AEBP2: variants seen among roughly 807,000 people sequenced by gnomAD.
The protein encoded by AEBP2 is AE binding protein 2.
AEBP2 carries 10 observed loss-of-function variants against 50.8 expected under a neutral mutation model. That is an observed-to-expected ratio of 0.20 (90% CI 0.12 to 0.33). AEBP2 has a LOEUF of 0.33. Among genes scored for constraint, AEBP2 ranks in the 10% least tolerant of loss-of-function variants. The pLI, the probability that AEBP2 is intolerant of heterozygous loss-of-function variation, is 1.00. For synonymous variants in AEBP2, 296 were observed against 261.3 expected, an observed-to-expected ratio of 1.13 and a Z score of -1.28; for missense variants, 570 against 688.0, an observed-to-expected ratio of 0.83 and a Z score of 1.92.
At chr12:19,459,983 A>C (rs1014212526) in intron 1 of AEBP2, among the ~76,000 whole-genome samples, 18 of 152,184 alleles carry the variant, frequency 1.2e-4, no homozygotes, top group Non-Finnish European at 1.5e-5. Flanking sequence ...GTACTTTGGG[A>C]GGCCAAGGCA....
chr12:19,421,613 C>G (rs2095745844), intron 1 of AEBP2, among the ~76,000 whole-genome samples: 1 of 152,034 alleles, frequency 6.6e-6, no homozygotes, highest in African/African-American at 2.4e-5. Context: ...CAGAGTGAGA[C>G]TCTGTCTCAA....
At chr12:19,458,857 C>G (rs1229836416) in intron 1 of AEBP2, among the ~76,000 whole-genome samples, 1 of 152,202 alleles carries the variant, frequency 6.6e-6, no homozygotes, top group African/African-American at 2.4e-5. Flanking sequence ...TCCCACTCTT[C>G]CCTTCCCCCA....
At chr12:19,475,983 T>G (rs12426158) in intron 3 of AEBP2, among the ~76,000 whole-genome samples, 1 of 152,174 alleles carries the variant, frequency 6.6e-6, no homozygotes, top group Non-Finnish European at 1.5e-5. Context: ...GTTGTCTGTT[T>G]ATTCTGCTGA....
intron 1 of AEBP2, chr12:19,456,863 A>C (rs1028180223): frequency 1.3e-6 from 2 of 1,518,976 alleles, no homozygotes; most frequent in African/African-American, 2.7e-5. Context: ...TACCAATACC[A>C]CCAATTTTTG....
intron 3 of AEBP2, among the ~76,000 whole-genome samples, chr12:19,485,565 C>T (rs778541450): frequency 3.3e-5 from 5 of 151,718 alleles, no homozygotes; most frequent in Admixed American, 1.3e-4. Context: ...AAAAATTAGC[C>T]GGGCGTGTTG....
intron 2 of AEBP2, among the ~76,000 whole-genome samples, chr12:19,469,750 T>G (rs1948542458): frequency 6.6e-6 from 1 of 152,224 alleles, no homozygotes; most frequent in African/African-American, 2.4e-5. Flanking sequence ...CTCAGCAGGT[T>G]GTTTTCTATT....
In AEBP2 at chr12:19,519,740, T is replaced by G. The variant is rs1434920716; in HGVS notation, c.*1623T>G. ...GAAAGGTTCCACGATACATAAATCA[T>G]TTCTCATTTGCTTTAAAAAATTTAA... is the stretch of plus-strand genomic sequence containing the variant. On this transcript the variant is annotated 3_prime_UTR_variant, in exon 8 of 8. Coordinates refer to ENST00000266508, the MANE Select transcript of AEBP2 (RefSeq NM_153207.5). 1 of 152,580 alleles carries G rather than the reference T, an allele frequency of 6.6e-6. No homozygotes were observed. Among genetic ancestry groups the G allele is most frequent in the Non-Finnish European group, 1.5e-5 (1 of 67,966 alleles). 9.5% of individuals were successfully genotyped at this position (152,580 alleles called of 1,614,324 possible). A position where few individuals can be genotyped will look rare whatever the true frequency, so the allele number is the denominator to read the frequency against.
intron 4 of AEBP2, among the ~76,000 whole-genome samples, chr12:19,499,585 G>A (rs1949036073): frequency 6.8e-6 from 1 of 147,372 alleles, no homozygotes; most frequent in East Asian, 2.0e-4. Context: ...CTGCACTTCA[G>A]CCTGGGTGAA....
chr12:19,429,716 C>T (rs1212132918), intron 1 of AEBP2, among the ~76,000 whole-genome samples: 1 of 152,150 alleles, frequency 6.6e-6, no homozygotes, highest in Non-Finnish European at 1.5e-5. Context: ...ATTTGCATTT[C>T]TCTGATGGCC....
chr12:19,490,534 G>A (rs1199695305), intron 3 of AEBP2, among the ~76,000 whole-genome samples: 1 of 150,574 alleles, frequency 6.6e-6, no homozygotes, highest in Non-Finnish European at 1.5e-5. Context: ...GTGCCACCAT[G>A]CCCGGCTAAT....
Position 19,518,878 on chromosome 12 carries a change from C to A in AEBP2, c.*761C>A. 1 of 454,790 alleles carries A rather than the reference C, an allele frequency of 2.2e-6. No individual in the cohort carries two copies. The highest frequency in any genetic ancestry group is 3.6e-6 in the Non-Finnish European group (1 of 277,072). 28.2% of individuals were successfully genotyped at this position (454,790 alleles called of 1,614,324 possible). A position where few individuals can be genotyped will look rare whatever the true frequency, so the allele number is the denominator to read the frequency against. On this transcript the variant is annotated 3_prime_UTR_variant, in exon 8 of 8. Transcript: ENST00000266508. ...TTTACCTATATAACTAATCTGTTAA[C>A]GGTTTTTGAAAAACCTTTCAAATTA...
At chr12:19,442,089 A>G (rs1394215263) in intron 1 of AEBP2, among the ~76,000 whole-genome samples, 3 of 152,118 alleles carry the variant, frequency 2.0e-5, no homozygotes, top group African/African-American at 7.2e-5. Context: ...TATTATTTCC[A>G]CTGAAGAGTT....
At chr12:19,447,929 A>G (rs899801523) in intron 1 of AEBP2, among the ~76,000 whole-genome samples, 2 of 152,266 alleles carry the variant, frequency 1.3e-5, no homozygotes, top group African/African-American at 2.4e-5. Flanking sequence ...CTTTAAATAC[A>G]GTTAAACAAA....
chr12:19,411,524 T>C (rs1048228955), intron 1 of AEBP2, among the ~76,000 whole-genome samples: 1 of 151,592 alleles, frequency 6.6e-6, no homozygotes, highest in African/African-American at 2.4e-5. Context: ...TTTTTGCATC[T>C]CTAAAAGGGG....
In AEBP2 at chr12:19,453,056, C is replaced by T. The variant is rs965947173; in HGVS notation, c.672-9454C>T. On this transcript the variant is annotated intron_variant, in intron 1 of 7. Transcript: ENST00000266508. The stretch of plus-strand genomic sequence containing the variant: ...TGATCTCGGCTCATTGCAAGCTCCG[C>T]CTCCCAGGTTCACGCCATTCTCCTG... Among the ~76,000 whole-genome samples the T allele has an allele frequency of 4.7e-5, 7 of 150,220 alleles. 1 individual carries two copies. In the South Asian group the frequency reaches 6.3e-4, roughly 13 times the overall value.
rs185513208 is a variant in AEBP2, at chr12:19,508,363, A to G, written c.1300-4035A>G. 2.6e-3 allele frequency among the ~76,000 whole-genome samples: 403 copies of G among 152,254 alleles called. 1 individual carries two copies. The highest frequency in any genetic ancestry group is 9.4e-3 in the African/African-American group (391 of 41,562). ...GGTGTGAGCCACTGCGTCTGGCCTCACCATAGGTTTTTATATAGTGGAGAC... is the reference window on the plus strand; with the variant it reads ...GGTGTGAGCCACTGCGTCTGGCCTCGCCATAGGTTTTTATATAGTGGAGAC... On this transcript the variant is annotated intron_variant, in intron 5 of 7. Coordinates refer to ENST00000266508, the MANE Select transcript of AEBP2 (RefSeq NM_153207.5).
intron 5 of AEBP2, among the ~76,000 whole-genome samples, chr12:19,507,052 C>G (rs1188728027): frequency 6.6e-6 from 1 of 152,004 alleles, no homozygotes; most frequent in Non-Finnish European, 1.5e-5. Context: ...ATTGAGAGCT[C>G]AGAGGAGAGA....
intron 4 of AEBP2, among the ~76,000 whole-genome samples, chr12:19,498,801 A>G (rs1443077648): frequency 6.6e-6 from 1 of 152,108 alleles, no homozygotes; most frequent in Non-Finnish European, 1.5e-5. Flanking sequence ...TCAGTGTATA[A>G]TTTTTTTGAT....
intron 1 of AEBP2, among the ~76,000 whole-genome samples, chr12:19,446,888 C>T (rs1323443489): frequency 6.6e-6 from 1 of 151,968 alleles, no homozygotes; most frequent in Admixed American, 6.6e-5. Context: ...GATTGTGCCA[C>T]TGTAGTCAAA....
Sources: gnomAD v4.1 joint callset for allele counts (sites outside exome capture counted in the v4.1 genomes callset) on GRCh38, gnomAD v4.1.1 for gene constraint, MANE v1.5 for transcripts, NCBI Gene and HGNC (gene_info 2026-07-23, HGNC 2026-07-21) for gene names.